The following MYO3B variants were observed in gnomAD, a reference collection of about 807,000 sequenced individuals.
The protein encoded by MYO3B is myosin-IIIb.
In MYO3B, 156 loss-of-function variants were observed where a neutral mutation model predicts 174.6. The observed-to-expected ratio is 0.89, with a 90% CI of 0.78 to 1.02. The LOEUF (loss-of-function observed/expected upper bound fraction) is 1.02, where lower values mean the gene tolerates loss of function less well. MYO3B is among the 50% of genes least tolerant of loss of function. The pLI is 0.00. For missense variants in MYO3B, 1,632 were observed against 1,639.4 expected, an observed-to-expected ratio of 1.00 and a Z score of 0.08; for synonymous variants, 563 against 569.1, an observed-to-expected ratio of 0.99 and a Z score of 0.15.
chr2:170,181,934 CAA>C (rs2092404679), intron 1 of MYO3B, among the ~76,000 whole-genome samples: 1 of 151,852 alleles, frequency 6.6e-6, no homozygotes, highest in Admixed American at 6.6e-5. Flanking sequence ...TGATAGGAGA[CAA>C]ATGGTATCTC....
chr2:170,389,110 T>C lies in MYO3B; in HGVS notation c.1577+1802T>C, dbSNP rs138154136. On this transcript the variant is annotated intron_variant, in intron 14 of 34. Coordinates refer to ENST00000408978, the MANE Select transcript of MYO3B (RefSeq NM_138995.5). ...TAATGTGATATGTTGCTTATTAATG[T>C]AAATATTCATATACCTTACTTTCCT... 2.8e-3 allele frequency among the ~76,000 whole-genome samples: 428 copies of C among 152,354 alleles called. 1 individual carries two copies. The highest frequency in any genetic ancestry group is 4.8e-3 in the Non-Finnish European group (326 of 68,036).
At chr2:170,540,377 C>G (rs1235022222) in intron 30 of MYO3B, among the ~76,000 whole-genome samples, 1 of 152,052 alleles carries the variant, frequency 6.6e-6, no homozygotes, top group Non-Finnish European at 1.5e-5. Context: ...CATGCTTTGC[C>G]TGGTGCCTGG....
intron 8 of MYO3B, among the ~76,000 whole-genome samples, chr2:170,363,872 A>G (rs2094179456): frequency 6.6e-6 from 1 of 152,208 alleles, no homozygotes; most frequent in South Asian, 2.1e-4. Context: ...CAGAGAAAGC[A>G]TATCTAAATC....
intron 17 of MYO3B, 87 bp downstream of exon 17, chr2:170,400,401 C>CA: frequency 8.3e-7 from 1 of 1,208,716 alleles, no homozygotes; most frequent in Non-Finnish European, 1.1e-6. Context: ...ATTTGCTGGT[C>CA]CTTTTTTTTT....
At chr2:170,595,575 A>G in intron 32 of MYO3B, among the ~76,000 whole-genome samples, 1 of 152,048 alleles carries the variant, frequency 6.6e-6, no homozygotes, top group East Asian at 1.9e-4. Flanking sequence ...AGTAGCTGGG[A>G]CCAGGTACAC....
chr2:170,407,824 C>T lies in MYO3B; in HGVS notation c.2630C>T (p.Ser877Leu), dbSNP rs1320944899. 3 of 1,613,948 alleles carry T rather than the reference C, an allele frequency of 1.9e-6. No individual in the cohort carries two copies. Among genetic ancestry groups the T allele is most frequent in the Non-Finnish European group, 2.5e-6 (3 of 1,179,924 alleles). ...AACAAGCTTCTTCAGCAGCTCTTCT[C>T]AATCCCTCTGACCAAAACAGGTACT... ...SENKLLQQLF[S>L]IPLTKTGNLA... Residue 877 changes from serine to leucine, a missense_variant, in exon 22 of 35, where the codon TCA (serine) becomes TTA (leucine). By Grantham distance (145) the Ser-to-Leu change is moderately radical. Transcript: ENST00000408978.
At chr2:170,229,958 G>T (rs2092996067) in intron 6 of MYO3B, among the ~76,000 whole-genome samples, 1 of 152,120 alleles carries the variant, frequency 6.6e-6, no homozygotes, top group South Asian at 2.1e-4. Context: ...TGTGCTTACA[G>T]TAGAAAGGGA....
At chr2:170,463,299 T>A in intron 23 of MYO3B, 69 bp from the exon 24 acceptor site, 2 of 1,416,672 alleles carry the variant, frequency 1.4e-6, no homozygotes, top group Admixed American at 1.8e-5. Flanking sequence ...GCTTTCGGAT[T>A]TTGGAAGACA....
chr2:170,307,228 G>A (rs759437248), intron 7 of MYO3B, among the ~76,000 whole-genome samples: 2 of 118,476 alleles, frequency 1.7e-5, no homozygotes, highest in Non-Finnish European at 3.3e-5. Context: ...AGGTGACAGA[G>A]TGAGGCCTTA....
At chr2:170,579,537 A>G (rs573254487) in intron 32 of MYO3B, among the ~76,000 whole-genome samples, 1 of 152,116 alleles carries the variant, frequency 6.6e-6, no homozygotes, top group South Asian at 2.1e-4. Flanking sequence ...TCCCTACCAT[A>G]TTTTTATATT....
At chr2:170,290,025 A>AT (rs2093585641) in intron 7 of MYO3B, among the ~76,000 whole-genome samples, 1 of 151,970 alleles carries the variant, frequency 6.6e-6, no homozygotes, top group South Asian at 2.1e-4. Context: ...CCTGTTACTG[A>AT]TTTCTAGTTG....
chr2:170,446,422 C>G (rs1451696848), intron 23 of MYO3B, among the ~76,000 whole-genome samples: 1 of 152,120 alleles, frequency 6.6e-6, no homozygotes, highest in Non-Finnish European at 1.5e-5. Context: ...TGTTGCCTCC[C>G]TCCCTGTACT....
At chr2:170,412,693 C>T (rs1421424779) in intron 22 of MYO3B, among the ~76,000 whole-genome samples, 1 of 152,176 alleles carries the variant, frequency 6.6e-6, no homozygotes, top group Non-Finnish European at 1.5e-5. Flanking sequence ...AAGAGAGCGC[C>T]TTTTGGTATC....
In MYO3B at chr2:170,297,288, C is replaced by A. The variant is rs377410508; in HGVS notation, c.750-38097C>A. 5.3e-5 allele frequency among the ~76,000 whole-genome samples: 8 copies of A among 151,494 alleles called. No individual in the cohort carries two copies. The East Asian group carries it at 1.6e-3, about 29-fold the overall frequency. ...TTATAGGCCTGAAAAACAAAACATACCCGCTCCCAATGGCCACCCCCTCCC... is the reference window on the plus strand; with the variant it reads ...TTATAGGCCTGAAAAACAAAACATAACCGCTCCCAATGGCCACCCCCTCCC... On this transcript the variant is annotated intron_variant, in intron 7 of 34. Transcript: ENST00000408978.
chr2:170,391,652 A>G, intron 15 of MYO3B, 34 bp downstream of exon 15: 1 of 1,226,458 alleles, frequency 8.2e-7, no homozygotes, highest in Non-Finnish European at 1.2e-6. Flanking sequence ...TTAATTTTTG[A>G]TGAATGTACG....
intron 22 of MYO3B, among the ~76,000 whole-genome samples, chr2:170,417,270 T>C (rs1195846150): frequency 6.6e-6 from 1 of 152,156 alleles, no homozygotes; most frequent in Admixed American, 6.5e-5. Flanking sequence ...AGAGCCAACA[T>C]ACATCTATCT....
At chr2:170,615,350 T>C (rs561220014) in intron 32 of MYO3B, among the ~76,000 whole-genome samples, 66 of 152,296 alleles carry the variant, frequency 4.3e-4, no homozygotes, top group Non-Finnish European at 7.9e-4. Flanking sequence ...AGAAAATCAC[T>C]TGTATAGAAG....
intron 7 of MYO3B, among the ~76,000 whole-genome samples, chr2:170,279,634 A>G (rs1010206013): frequency 1.1e-4 from 16 of 152,066 alleles, no homozygotes; most frequent in African/African-American, 3.6e-4. Context: ...ACCCTCAAGT[A>G]GGCCTCAGTG....
intron 14 of MYO3B, among the ~76,000 whole-genome samples, chr2:170,390,106 G>A (rs1415266291): frequency 1.3e-5 from 2 of 152,012 alleles, no homozygotes; most frequent in Non-Finnish European, 2.9e-5. Flanking sequence ...ATAACATGTT[G>A]TATATCTTAA....
Sources: gnomAD v4.1 joint callset for allele counts (sites outside exome capture counted in the v4.1 genomes callset) on GRCh38, gnomAD v4.1.1 for gene constraint, MANE v1.5 for transcripts, NCBI Gene and HGNC (gene_info 2026-07-23, HGNC 2026-07-21) for gene names.